Variants in LPCAT2 observed in about 807,000 individuals in gnomAD.
LPCAT2 encodes 1-AGP acyltransferase 11.
A neutral mutation model predicts 64.7 loss-of-function variants in LPCAT2; 58 were observed. That is an observed-to-expected ratio of 0.90 (90% CI 0.73 to 1.12). The LOEUF is 1.12. Among genes scored for constraint, LPCAT2 ranks in the 50% most tolerant of loss-of-function variants. The pLI, the probability that LPCAT2 is intolerant of heterozygous loss-of-function variation, is 0.00. For synonymous variants in LPCAT2, 252 were observed against 245.3 expected (o/e 1.03, Z -0.26); for missense variants, 579 against 669.8 (o/e 0.86, Z 1.50).
At chr16:55,529,987 T>C in intron 4 of LPCAT2, 40 bp downstream of exon 4, 1 of 1,435,564 alleles carries the variant, frequency 7.0e-7, no homozygotes, top group Non-Finnish European at 9.6e-7. Flanking sequence ...TAGTGGGAGT[T>C]TATTAATTGT....
At chr16:55,557,860 C>G (rs1963594872) in intron 11 of LPCAT2, among the ~76,000 whole-genome samples, 1 of 152,146 alleles carries the variant, frequency 6.6e-6, no homozygotes, top group Admixed American at 6.5e-5. Context: ...CAAAAATATG[C>G]TATTGGCTCC....
Position 55,546,944 on chromosome 16 carries a change from C to G in LPCAT2, c.935+1127C>G, listed in dbSNP as rs146226985. Among the ~76,000 whole-genome samples, 739 of 152,046 alleles carry G rather than the reference C, an allele frequency of 4.9e-3. 5 individuals are homozygous for G. Among genetic ancestry groups the G allele is most frequent in the African/African-American group, 0.017 (691 of 41,482 alleles). On this transcript the variant is annotated intron_variant, in intron 9 of 13. Coordinates refer to ENST00000262134, the MANE Select transcript of LPCAT2 (RefSeq NM_017839.5). ...TGGGTGGATCACAAGGTCAGGAGTT[C>G]GAGACCAGCCTGGCCAACATGGTGA...
Position 55,509,343 on chromosome 16 carries a change from G to T in LPCAT2, c.162G>T (p.Arg54Ser). ...FVQQTQIGSA[R>S]RVQIVLLGII... ...AGCAGACGCAGATCGGCTCCGCGAG[G>T]CGGGTCCAGGTGAGGGGCGTGGGTC... Residue 54 changes from arginine (R) to serine (S), a missense_variant, in exon 1 of 14, where the codon AGG becomes AGT. Physicochemically the swap from Arg to Ser is moderately radical, Grantham distance 110. Transcript: ENST00000262134. The T allele has an allele frequency of 6.9e-7, 1 of 1,445,560 alleles. No homozygotes were observed. The highest frequency in any genetic ancestry group is 9.2e-7 in the Non-Finnish European group (1 of 1,088,834). 89.5% of individuals were successfully genotyped at this position (1,445,560 alleles called of 1,614,324 possible).
At chr16:55,571,692 G>T (rs1283903887) in intron 11 of LPCAT2, among the ~76,000 whole-genome samples, 1 of 152,040 alleles carries the variant, frequency 6.6e-6, no homozygotes, top group Non-Finnish European at 1.5e-5. Flanking sequence ...AAGAACCAAA[G>T]ATTGTGCAAT....
chr16:55,528,316 TA>T, intron 2 of LPCAT2, 60 bp from the exon 3 acceptor site: 1 of 1,351,718 alleles, frequency 7.4e-7, no homozygotes, highest in Non-Finnish European at 1.0e-6. Flanking sequence ...TATTATAGAG[TA>T]AAACCCTGCT....
intron 11 of LPCAT2, among the ~76,000 whole-genome samples, chr16:55,560,946 A>AT (rs1173687407): frequency 6.6e-6 from 1 of 151,988 alleles, no homozygotes; most frequent in African/African-American, 2.4e-5. Context: ...CCCCAGTATG[A>AT]TTTTTTATGT....
chr16:55,581,632 A>C (rs1462047002), intron 13 of LPCAT2, among the ~76,000 whole-genome samples: 1 of 152,168 alleles, frequency 6.6e-6, no homozygotes, highest in Non-Finnish European at 1.5e-5. Context: ...TTATCAGAGG[A>C]TTTTTTAAAA....
Position 55,566,745 on chromosome 16 carries a change from T to G in LPCAT2, c.1216-7886T>G, listed in dbSNP as rs760381122. Reference sequence around the variant, plus strand: ...TAAGATTGCTGCCGCATTTGCTTGTTAAACTGAAAGCATGTTTCTTGCAAA... The same window carrying G: ...TAAGATTGCTGCCGCATTTGCTTGTGAAACTGAAAGCATGTTTCTTGCAAA... On this transcript the variant is annotated intron_variant, in intron 11 of 13. Transcript: ENST00000262134. 14 of 1,593,940 alleles carry G rather than the reference T, an allele frequency of 8.8e-6. No individual in the cohort carries two copies. In the South Asian group the frequency reaches 1.6e-4, roughly 18 times the overall value.
At chr16:55,571,177 G>C (rs2142417749) in intron 11 of LPCAT2, among the ~76,000 whole-genome samples, 1 of 152,204 alleles carries the variant, frequency 6.6e-6, no homozygotes, top group Middle Eastern at 3.4e-3. Context: ...CATGAATAAA[G>C]ATGTTGAATA....
chr16:55,569,362 G>C (rs767060019), intron 11 of LPCAT2, among the ~76,000 whole-genome samples: 1 of 152,192 alleles, frequency 6.6e-6, no homozygotes, highest in Non-Finnish European at 1.5e-5. Context: ...GGAGGCTGCT[G>C]CCAGCAACCA....
intron 1 of LPCAT2, among the ~76,000 whole-genome samples, chr16:55,515,266 G>T (rs1185909297): frequency 6.6e-6 from 1 of 151,944 alleles, no homozygotes; most frequent in Admixed American, 6.6e-5. Context: ...TATGTACAAA[G>T]AATCCTCAAC....
Position 55,528,368 on chromosome 16 carries a change from T to A in LPCAT2, c.312-9T>A. The A allele has an allele frequency of 1.2e-6, 2 of 1,608,686 alleles. No individual in the cohort carries two copies. Among genetic ancestry groups the A allele is most frequent in the East Asian group, 4.5e-5 (2 of 44,822 alleles). Reference sequence around the variant, plus strand: ...CAGAGCTAATTACATCTTTTCTATATTTTCAAAGGAAAATTACTCAAACAG... The same window carrying A: ...CAGAGCTAATTACATCTTTTCTATAATTTCAAAGGAAAATTACTCAAACAG... On this transcript the variant is annotated splice_polypyrimidine_tract_variant and intron_variant, in intron 2 of 13. Transcript: ENST00000262134.
chr16:55,510,337 G>C (rs1962913492), intron 1 of LPCAT2, among the ~76,000 whole-genome samples: 2 of 151,500 alleles, frequency 1.3e-5, no homozygotes, highest in Non-Finnish European at 2.9e-5. Flanking sequence ...TTCTTGTAAA[G>C]GGTTCCTTTT....
At chr16:55,540,169 A>G (rs1346181446) in intron 8 of LPCAT2, 2 of 152,172 alleles carry the variant, frequency 1.3e-5, no homozygotes, top group Non-Finnish European at 2.9e-5. Flanking sequence ...TTCCCAACAT[A>G]GAGACATACA....
At chr16:55,566,923 A>G (rs754326715) in intron 11 of LPCAT2, 7 of 1,613,836 alleles carry the variant, frequency 4.3e-6, no homozygotes, top group Non-Finnish European at 5.9e-6. Context: ...GCAGCTCAGT[A>G]TACTCCAGAA....
rs765252236 is a variant in LPCAT2, at chr16:55,579,149, A to G, written c.1355A>G (p.Glu452Gly). The G allele has an allele frequency of 3.1e-6, 5 of 1,613,462 alleles. No homozygotes were observed. The highest frequency in any genetic ancestry group is 2.2e-5 in the East Asian group (1 of 44,846). The stretch of plus-strand genomic sequence containing the variant: ...GAGGATGGCTACATAACGGAGGAAG[A>G]GTTCTCCACCATTCTACAGGCTTCC... ...VDEDGYITEE[E>G]FSTILQASLG... is the part of the protein sequence containing the mutation. Residue 452 changes from glutamate (E) to glycine (G), a missense_variant, in exon 13 of 14, where the codon GAG becomes GGG. Coordinates refer to ENST00000262134, the MANE Select transcript of LPCAT2 (RefSeq NM_017839.5).
At chr16:55,513,521 A>C (rs1414150167) in intron 1 of LPCAT2, among the ~76,000 whole-genome samples, 4 of 152,298 alleles carry the variant, frequency 2.6e-5, no homozygotes, top group South Asian at 2.1e-4. Flanking sequence ...TGAAAACAAA[A>C]AAAAAAAATC....
intron 11 of LPCAT2, among the ~76,000 whole-genome samples, chr16:55,558,341 G>A (rs1963599858): frequency 6.6e-6 from 1 of 152,242 alleles, no homozygotes; most frequent in Non-Finnish European, 1.5e-5. Context: ...TGTCCAAACA[G>A]CATCATTGTT....
At chr16:55,567,008 A>G (rs369578789) in intron 11 of LPCAT2, 8 of 1,613,904 alleles carry the variant, frequency 5.0e-6, no homozygotes, top group African/African-American at 1.3e-5. Context: ...TTCGGCAACA[A>G]TTTACACAGC....
Sources: gnomAD v4.1 joint callset for allele counts (sites outside exome capture counted in the v4.1 genomes callset) on GRCh38, gnomAD v4.1.1 for gene constraint, MANE v1.5 for transcripts, NCBI Gene and HGNC (gene_info 2026-07-23, HGNC 2026-07-21) for gene names.